PLSCR2: variants seen among roughly 807,000 people sequenced by gnomAD.
The protein encoded by PLSCR2 is phospholipid scramblase 2.
PLSCR2 carries 18 observed loss-of-function variants against 25.3 expected under a neutral mutation model. That is an observed-to-expected ratio of 0.71 (90% CI 0.49 to 1.06). The LOEUF (loss-of-function observed/expected upper bound fraction) is 1.06, where lower values mean the gene tolerates loss of function less well. Ranked by LOEUF, PLSCR2 falls within the 50% of genes least tolerant of loss-of-function variation. The probability of loss-of-function intolerance (pLI) is 0.00; values close to 1 mark genes in which losing one functional copy is unlikely to be tolerated. For synonymous variants in PLSCR2, 88 were observed against 87.3 expected, an observed-to-expected ratio of 1.01 and a Z score of -0.04; for missense variants, 243 against 269.5, an observed-to-expected ratio of 0.90 and a Z score of 0.69.
At chr3:146,475,567 T>C (rs190427906) in intron 1 of PLSCR2, among the ~76,000 whole-genome samples, 102 of 152,352 alleles carry the variant, frequency 6.7e-4, no homozygotes, top group Non-Finnish European at 2.6e-4. Flanking sequence ...GTGTTTTTCC[T>C]ATTGTGCATT....
rs188249883 is a variant in PLSCR2 at position 146,406,422 on chromosome 3, C to A, written c.101-10501G>T. Reference sequence around the variant, plus strand: ...CAGATTGTGTTGTTCTTTGTGGGTACGGGCTGGCTCTGGGAACAGTACACA... The same window carrying A: ...CAGATTGTGTTGTTCTTTGTGGGTAAGGGCTGGCTCTGGGAACAGTACACA... On this transcript the variant is annotated intron_variant and NMD_transcript_variant, in intron 2 of 3. Transcript: ENST00000463633. Among the ~76,000 whole-genome samples, 7 of 152,116 alleles carry A rather than the reference C, an allele frequency of 4.6e-5. No homozygotes were observed. In the East Asian group the frequency reaches 1.4e-3, roughly 30 times the overall value.
At chr3:146,469,460 C>T (rs2042018750) in intron 1 of PLSCR2, 35 bp downstream of exon 1, 1 of 932,714 alleles carries the variant, frequency 1.1e-6, no homozygotes, top group African/African-American at 1.8e-5. Flanking sequence ...CACCCCAGTC[C>T]CATAGGGAGG....
chr3:146,460,018 G>C (rs1170054289), exon 2 of PLSCR2: 2 of 1,605,760 alleles, frequency 1.2e-6, no homozygotes, highest in South Asian at 1.1e-5. Context: ...TGGGAGCCCA[G>C]GTGGTCAGCC....
rs540595295 is a variant in PLSCR2 at position 146,433,845 on chromosome 3, T to C, written c.*35-328A>G. Among the ~76,000 whole-genome samples the C allele has an allele frequency of 2.0e-5, 3 of 152,324 alleles. No homozygotes were observed. The South Asian group carries it at 6.2e-4, about 32-fold the overall frequency. ...GCTATACCAATGTTCTCATCCATCATTTGCCATTTGGGGTTATTGGCTTTG... is the reference window on the plus strand; with the variant it reads ...GCTATACCAATGTTCTCATCCATCACTTGCCATTTGGGGTTATTGGCTTTG... On this transcript the variant is annotated intron_variant, in intron 8 of 8. Coordinates refer to the PLSCR2 transcript ENST00000336685.
intron 1 of PLSCR2, among the ~76,000 whole-genome samples, chr3:146,470,555 A>T (rs1256647284): frequency 6.6e-6 from 1 of 152,168 alleles, no homozygotes; most frequent in Non-Finnish European, 1.5e-5. Flanking sequence ...TCAAACAAAC[A>T]AACAAAAACA....
intron 3 of PLSCR2, among the ~76,000 whole-genome samples, chr3:146,393,411 G>T (rs2038164013): frequency 6.6e-6 from 1 of 151,976 alleles, no homozygotes; most frequent in African/African-American, 2.4e-5. Context: ...AGGTCTAAAT[G>T]ATAATGATTC....
Position 146,485,750 on chromosome 3 carries a change from C to T in PLSCR2, c.-293+10145G>A, listed in dbSNP as rs966143878. Among the ~76,000 whole-genome samples the T allele has an allele frequency of 1.8e-4, 28 of 152,174 alleles. No individual in the cohort carries two copies. In the East Asian group the frequency reaches 3.3e-3, roughly 18 times the overall value. ...TTCATGCTGCTGATAAAGACATACC[C>T]GATACTGGGCAATTTATAAAAGAGG... On this transcript the variant is annotated intron_variant, in intron 1 of 8. Coordinates refer to the PLSCR2 transcript ENST00000336685.
intron 1 of PLSCR2, among the ~76,000 whole-genome samples, chr3:146,490,653 A>G (rs1430162769): frequency 6.6e-6 from 1 of 152,062 alleles, no homozygotes; most frequent in Non-Finnish European, 1.5e-5. Context: ...GCTTGATCTG[A>G]AATAAGAATA....
chr3:146,426,104 G>A (rs2039335892), intron 2 of PLSCR2, among the ~76,000 whole-genome samples: 1 of 151,940 alleles, frequency 6.6e-6, no homozygotes, highest in Non-Finnish European at 1.5e-5. Flanking sequence ...CTTCTAATTA[G>A]CTTTTCTGCA....
At chr3:146,450,630 C>G (rs935273345) in intron 5 of PLSCR2, among the ~76,000 whole-genome samples, 1 of 152,186 alleles carries the variant, frequency 6.6e-6, no homozygotes, top group Non-Finnish European at 1.5e-5. Context: ...AGAAAAGCAT[C>G]GTCTAGGTAG....
intron 2 of PLSCR2, among the ~76,000 whole-genome samples, chr3:146,399,833 C>T (rs749126985): frequency 6.7e-6 from 1 of 149,874 alleles, no homozygotes; most frequent in Non-Finnish European, 1.5e-5. Context: ...TCCTTTCTTC[C>T]TTCCCTTTTT....
intron 6 of PLSCR2, among the ~76,000 whole-genome samples, chr3:146,445,313 G>A (rs1031940700): frequency 2.0e-5 from 3 of 152,140 alleles, no homozygotes; most frequent in African/African-American, 7.2e-5. Flanking sequence ...TCAGATTGAA[G>A]AACTTCCTTT....
intron 1 of PLSCR2, among the ~76,000 whole-genome samples, chr3:146,493,728 G>A (rs11716510): frequency 0.21 from 31,839 of 149,396 alleles, 3,632 homozygotes; most frequent in South Asian, 0.34. Flanking sequence ...ATAGCATTTC[G>A]GGAGTCCAAC....
intron 1 of PLSCR2, among the ~76,000 whole-genome samples, chr3:146,466,645 A>G (rs1444178124): frequency 1.3e-5 from 2 of 152,198 alleles, no homozygotes; most frequent in Non-Finnish European, 2.9e-5. Context: ...TACTGCTCAA[A>G]AACCTTTTCT....
intron 1 of PLSCR2, among the ~76,000 whole-genome samples, chr3:146,483,465 A>G (rs2043215255): frequency 1.8e-5 from 1 of 56,490 alleles, no homozygotes. Flanking sequence ...ATATATATAT[A>G]TATATATACA....
intron 2 of PLSCR2, among the ~76,000 whole-genome samples, chr3:146,423,514 C>CA (rs2039232258): frequency 6.6e-6 from 1 of 151,236 alleles, no homozygotes; most frequent in Admixed American, 6.7e-5. Context: ...TTGGTCCACA[C>CA]AAAAAAATAT....
At chr3:146,404,822 G>GGC (rs1179140766) in intron 2 of PLSCR2, among the ~76,000 whole-genome samples, 1 of 72,208 alleles carries the variant, frequency 1.4e-5, no homozygotes, top group East Asian at 5.1e-4. Flanking sequence ...AAAAAAAAAA[G>GGC]GGGGGGGGTG....
At chr3:146,451,769 A>G (rs1405561191) in intron 5 of PLSCR2, among the ~76,000 whole-genome samples, 1 of 152,186 alleles carries the variant, frequency 6.6e-6, no homozygotes, top group Non-Finnish European at 1.5e-5. Flanking sequence ...TCATGCCTAC[A>G]TAATGCAACT....
chr3:146,466,422 G>C (rs2041872168), intron 1 of PLSCR2, among the ~76,000 whole-genome samples: 2 of 152,176 alleles, frequency 1.3e-5, no homozygotes, highest in South Asian at 4.1e-4. Flanking sequence ...GCCCACCTCA[G>C]CCTCCCAAAG....
Sources: allele counts gnomAD v4.1 joint callset (sites outside exome capture counted in the v4.1 genomes callset), GRCh38; gene constraint gnomAD v4.1.1; transcripts MANE v1.5; gene names NCBI Gene and HGNC (gene_info 2026-07-23, HGNC 2026-07-21).